Variants in NKAIN2 observed in about 807,000 individuals in gnomAD.
NKAIN2 encodes the protein sodium/potassium-transporting ATPase subunit beta-1-interacting protein 2.
NKAIN2 carries 14 observed loss-of-function variants against 32.6 expected under a neutral mutation model. The ratio of observed to expected loss-of-function variants is 0.43; its 90% confidence interval spans 0.28 to 0.67. The LOEUF (loss-of-function observed/expected upper bound fraction) is 0.67, where lower values mean the gene tolerates loss of function less well. Ranked by LOEUF, NKAIN2 falls within the 30% of genes least tolerant of loss-of-function variation. NKAIN2 has a pLI of 0.17. For missense variants in NKAIN2, 198 were observed against 258.3 expected, an observed-to-expected ratio of 0.77 and a Z score of 1.60; for synonymous variants, 80 against 87.2, an observed-to-expected ratio of 0.92 and a Z score of 0.46.
At chr6:124,356,645 G>A (rs188017161) in intron 3 of NKAIN2, among the ~76,000 whole-genome samples, 1 of 152,192 alleles carries the variant, frequency 6.6e-6, no homozygotes, top group Admixed American at 6.5e-5. Context: ...CGTGACCAAT[G>A]AAAATAAATT....
chr6:124,219,332 C>T (rs1239094699), intron 1 of NKAIN2, among the ~76,000 whole-genome samples: 1 of 149,194 alleles, frequency 6.7e-6, no homozygotes, highest in Non-Finnish European at 1.5e-5. Flanking sequence ...GGCTGGACTG[C>T]AGTGGTGCGA....
At chr6:124,603,172 C>A (rs898712323) in intron 3 of NKAIN2, among the ~76,000 whole-genome samples, 1 of 151,910 alleles carries the variant, frequency 6.6e-6, no homozygotes, top group Admixed American at 6.6e-5. Flanking sequence ...AAATGAGTAG[C>A]CCAAAGCCAT....
intron 2 of NKAIN2, among the ~76,000 whole-genome samples, chr6:124,304,892 G>A (rs1425910758): frequency 2.6e-5 from 4 of 151,872 alleles, no homozygotes; most frequent in Non-Finnish European, 4.4e-5. Flanking sequence ...CCAGCCTGGC[G>A]ACAGAACAAG....
At chr6:124,096,926 G>A (rs1784669982) in intron 1 of NKAIN2, among the ~76,000 whole-genome samples, 1 of 151,206 alleles carries the variant, frequency 6.6e-6, no homozygotes, top group African/African-American at 2.4e-5. Context: ...CCAACACCTA[G>A]GGTTCTTTCT....
At chr6:124,248,297 A>G (rs73770378) in intron 1 of NKAIN2, among the ~76,000 whole-genome samples, 4,062 of 152,104 alleles carry the variant, frequency 0.027, 162 homozygotes, top group African/African-American at 0.094. Context: ...TTCCACTTAA[A>G]TGTGATGTCT....
At chr6:124,657,229 T>A (rs966141352) in intron 3 of NKAIN2, among the ~76,000 whole-genome samples, 2 of 152,328 alleles carry the variant, frequency 1.3e-5, no homozygotes, top group Middle Eastern at 3.4e-3. Context: ...TGGCACCTAT[T>A]ATCTTGTGGC....
chr6:124,556,422 G>A (rs1200286872), intron 3 of NKAIN2, among the ~76,000 whole-genome samples: 8 of 152,150 alleles, frequency 5.3e-5, no homozygotes, highest in South Asian at 4.1e-4. Context: ...CTTTGACCTC[G>A]TAAATGGATC....
At chr6:124,266,550 A>ATTACAGGC (rs1391019873) in intron 1 of NKAIN2, among the ~76,000 whole-genome samples, 1 of 152,160 alleles carries the variant, frequency 6.6e-6, no homozygotes, top group Admixed American at 6.5e-5. Flanking sequence ...AAGTGCTGGG[A>ATTACAGGC]TTACAGGCAT....
chr6:124,361,112 A>C (rs1327312314), intron 3 of NKAIN2, among the ~76,000 whole-genome samples: 1 of 152,110 alleles, frequency 6.6e-6, no homozygotes, highest in Non-Finnish European at 1.5e-5. Context: ...AGTGATTTTT[A>C]AGTTGAAAGT....
intron 1 of NKAIN2, among the ~76,000 whole-genome samples, chr6:124,139,104 C>T (rs1372234676): frequency 8.9e-4 from 13 of 14,622 alleles, no homozygotes; most frequent in Middle Eastern, 0.05. Flanking sequence ...TTTTTTGAGA[C>T]GGAGTCTCGC....
intron 1 of NKAIN2, among the ~76,000 whole-genome samples, chr6:124,069,925 A>T (rs1458043154): frequency 6.6e-6 from 1 of 152,158 alleles, no homozygotes; most frequent in Admixed American, 6.6e-5. Context: ...TGTGCCTGTC[A>T]TTTGTGACGT....
chr6:124,016,294 G>A (rs189203870), intron 1 of NKAIN2, among the ~76,000 whole-genome samples: 18 of 152,278 alleles, frequency 1.2e-4, no homozygotes, highest in Admixed American at 1.0e-3. Context: ...GCCTCAAGCA[G>A]TTGTACTGTC....
chr6:124,652,492 G>A (rs149400471), intron 3 of NKAIN2, among the ~76,000 whole-genome samples: 10 of 152,046 alleles, frequency 6.6e-5, no homozygotes, highest in South Asian at 2.1e-4. Flanking sequence ...CCACATTTTC[G>A]GGTATTCGTT....
intron 3 of NKAIN2, among the ~76,000 whole-genome samples, chr6:124,594,080 G>A (rs763180811): frequency 6.6e-5 from 10 of 152,138 alleles, no homozygotes; most frequent in Admixed American, 2.0e-4. Context: ...GGTGACTAAC[G>A]ATCATTAGTT....
chr6:123,833,322 A>AT (rs1774463935), intron 1 of NKAIN2, among the ~76,000 whole-genome samples: 1 of 152,112 alleles, frequency 6.6e-6, no homozygotes, highest in East Asian at 1.9e-4. Context: ...GCAATACCAT[A>AT]TTTTTTTGAT....
At chr6:124,753,046 G>A (rs892412666) in intron 4 of NKAIN2, among the ~76,000 whole-genome samples, 1 of 152,024 alleles carries the variant, frequency 6.6e-6, no homozygotes, top group African/African-American at 2.4e-5. Flanking sequence ...GTCAGGTGAG[G>A]TTAGGTTCTT....
At chr6:124,339,322 C>A (rs1328777381) in intron 2 of NKAIN2, among the ~76,000 whole-genome samples, 2 of 152,072 alleles carry the variant, frequency 1.3e-5, no homozygotes, top group African/African-American at 4.8e-5. Context: ...TCCAGCCTGG[C>A]AACAGAATGA....
chr6:124,039,705 G>A (rs910187853), intron 1 of NKAIN2, among the ~76,000 whole-genome samples: 3 of 151,488 alleles, frequency 2.0e-5, no homozygotes, highest in African/African-American at 7.3e-5. Context: ...GCCCTTTGCT[G>A]GTATTATGTT....
chr6:124,057,452 C>A (rs1329553166), intron 1 of NKAIN2, among the ~76,000 whole-genome samples: 1 of 151,994 alleles, frequency 6.6e-6, no homozygotes, highest in African/African-American at 2.4e-5. Flanking sequence ...CAAATGGCAT[C>A]TTTTTCTCCT....
Sources: gnomAD v4.1 joint callset for allele counts (sites outside exome capture counted in the v4.1 genomes callset) on GRCh38, gnomAD v4.1.1 for gene constraint, MANE v1.5 for transcripts, NCBI Gene and HGNC (gene_info 2026-07-23, HGNC 2026-07-21) for gene names.